Variants in KCNAB1 observed in about 807,000 individuals in gnomAD.
KCNAB1 encodes the protein potassium voltage-gated channel subfamily A regulatory beta subunit 1.
KCNAB1 carries 35 observed loss-of-function variants against 64.6 expected under a neutral mutation model. That is an observed-to-expected ratio of 0.54 (90% CI 0.41 to 0.72). KCNAB1 has a LOEUF of 0.72. Among genes scored for constraint, KCNAB1 ranks in the 30% least tolerant of loss-of-function variants. The pLI is 0.00. For synonymous variants in KCNAB1, 177 were observed against 183.8 expected (o/e 0.96, Z 0.30); for missense variants, 401 against 512.9 (o/e 0.78, Z 2.11).
intron 1 of KCNAB1, among the ~76,000 whole-genome samples, chr3:156,264,606 A>G (rs953989391): frequency 6.6e-6 from 1 of 152,158 alleles, no homozygotes; most frequent in Non-Finnish European, 1.5e-5. Flanking sequence ...TCAGATTAAC[A>G]TAACTTGATT....
intron 1 of KCNAB1, among the ~76,000 whole-genome samples, chr3:156,379,230 A>G (rs1224288136): frequency 2.0e-5 from 3 of 152,160 alleles, no homozygotes; most frequent in South Asian, 2.1e-4. Context: ...CTGGGGCCCT[A>G]TTATGTCTGC....
At chr3:156,435,526 G>A (rs1199520828) in intron 2 of KCNAB1, among the ~76,000 whole-genome samples, 1 of 152,174 alleles carries the variant, frequency 6.6e-6, no homozygotes. Flanking sequence ...TTTTTGTCAG[G>A]CAGGTGCAAT....
intron 7 of KCNAB1, among the ~76,000 whole-genome samples, chr3:156,471,194 AG>A (rs1261058257): frequency 3.9e-5 from 6 of 152,232 alleles, no homozygotes; most frequent in Non-Finnish European, 7.3e-5. Flanking sequence ...AACCTGCAAC[AG>A]TGAACACCCC....
intron 1 of KCNAB1, among the ~76,000 whole-genome samples, chr3:156,205,596 T>A (rs943192379): frequency 2.6e-5 from 4 of 152,194 alleles, no homozygotes; most frequent in African/African-American, 9.7e-5. Context: ...TCAGGTCCGA[T>A]CGATCATCAA....
At chr3:156,258,245 C>T (rs530282195) in intron 1 of KCNAB1, among the ~76,000 whole-genome samples, 20 of 152,294 alleles carry the variant, frequency 1.3e-4, no homozygotes, top group African/African-American at 4.6e-4. Context: ...GTCTATCTTA[C>T]CTGAACAATG....
At chr3:156,449,562 T>G (rs57357532) in intron 2 of KCNAB1, among the ~76,000 whole-genome samples, 5 of 152,092 alleles carry the variant, frequency 3.3e-5, no homozygotes, top group Admixed American at 6.5e-5. Flanking sequence ...AGTTTGATAA[T>G]GTCTAATCAT....
rs904315141 is a variant in KCNAB1 at position 156,333,309 on chromosome 3, C to T, written c.276-88307C>T. Among the ~76,000 whole-genome samples, 7 of 148,120 alleles carry T rather than the reference C, an allele frequency of 4.7e-5. No individual in the cohort carries two copies. In the East Asian group the frequency reaches 5.8e-4, roughly 12 times the overall value. ...GTCCACGCACATACCAGTATACAAA[C>T]GCACATAGAAACACACACACACACA... On this transcript the variant is annotated intron_variant, in intron 1 of 13. Coordinates refer to ENST00000490337, the MANE Select transcript of KCNAB1 (RefSeq NM_172160.3).
Position 156,521,665 on chromosome 3 carries a change from C to G in KCNAB1, c.961-2162C>G, listed in dbSNP as rs373218196. Among the ~76,000 whole-genome samples, 69 of 152,308 alleles carry G rather than the reference C, an allele frequency of 4.5e-4. No individual in the cohort carries two copies. The South Asian group carries it at 0.014, about 31-fold the overall frequency. On this transcript the variant is annotated intron_variant, in intron 11 of 13. Coordinates refer to ENST00000490337, the MANE Select transcript of KCNAB1 (RefSeq NM_172160.3). ...AGGGTTTATTACTGCCACAACCACA[C>G]CCACCTCCAACCTTCCTACAAAACA...
intron 1 of KCNAB1, among the ~76,000 whole-genome samples, chr3:156,139,613 TC>T (rs1714590547): frequency 1.4e-5 from 2 of 138,646 alleles, no homozygotes; most frequent in Non-Finnish European, 1.6e-5. Context: ...TTTTTTTTGT[TC>T]CCCCTAGCTT....
chr3:156,498,283 T>C (rs747970000), intron 8 of KCNAB1, among the ~76,000 whole-genome samples: 2 of 152,198 alleles, frequency 1.3e-5, no homozygotes, highest in Non-Finnish European at 2.9e-5. Context: ...TTCATCTTGC[T>C]TATGCCTGGA....
At chr3:156,431,842 T>C (rs1716233269) in intron 2 of KCNAB1, among the ~76,000 whole-genome samples, 2 of 152,228 alleles carry the variant, frequency 1.3e-5, no homozygotes, top group South Asian at 4.1e-4. Context: ...AGGTTTGTTC[T>C]ATTCTCAAGC....
intron 8 of KCNAB1, among the ~76,000 whole-genome samples, chr3:156,511,644 A>G (rs1464157096): frequency 6.6e-6 from 1 of 151,776 alleles, no homozygotes; most frequent in Non-Finnish European, 1.5e-5. Flanking sequence ...TCTGTTTGCC[A>G]TCATCACCCT....
intron 7 of KCNAB1, among the ~76,000 whole-genome samples, chr3:156,469,224 G>C (rs1481144357): frequency 4.7e-5 from 7 of 149,310 alleles, no homozygotes; most frequent in Non-Finnish European, 1.0e-4. Context: ...ATAATTTCAG[G>C]GTTCTCTCTT....
intron 8 of KCNAB1, among the ~76,000 whole-genome samples, chr3:156,499,479 T>C (rs905271148): frequency 2.4e-4 from 37 of 152,350 alleles, no homozygotes; most frequent in African/African-American, 8.2e-4. Context: ...TTGTCATCTT[T>C]TAATTTCATC....
At chr3:156,147,710 T>G (rs1715122916) in intron 1 of KCNAB1, among the ~76,000 whole-genome samples, 1 of 152,154 alleles carries the variant, frequency 6.6e-6, no homozygotes, top group Non-Finnish European at 1.5e-5. Context: ...GAGAAACTCT[T>G]GGAATTCTTA....
intron 1 of KCNAB1, among the ~76,000 whole-genome samples, chr3:156,348,777 C>A (rs1724669181): frequency 6.6e-6 from 1 of 152,114 alleles, no homozygotes; most frequent in Admixed American, 6.5e-5. Flanking sequence ...AGGACTGAGG[C>A]CTGGTTTGAG....
chr3:156,265,977 C>T (rs898677446), intron 1 of KCNAB1, among the ~76,000 whole-genome samples: 1 of 151,936 alleles, frequency 6.6e-6, no homozygotes, highest in African/African-American at 2.4e-5. Context: ...GGTGACACAG[C>T]GAGATTCTGT....
chr3:156,344,030 GTCAGCC>G (rs1724313893), intron 1 of KCNAB1, among the ~76,000 whole-genome samples: 1 of 152,044 alleles, frequency 6.6e-6, no homozygotes, highest in African/African-American at 2.4e-5. Flanking sequence ...CTGATACCCA[GTCAGCC>G]TCCTATCTGA....
At chr3:156,518,316 TA>T (rs1009525594) in intron 11 of KCNAB1, among the ~76,000 whole-genome samples, 4 of 152,124 alleles carry the variant, frequency 2.6e-5, no homozygotes, top group Non-Finnish European at 5.9e-5. Flanking sequence ...GGCTCTACAT[TA>T]TCAATCTGAG....
Sources: allele counts gnomAD v4.1 joint callset (sites outside exome capture counted in the v4.1 genomes callset), GRCh38; gene constraint gnomAD v4.1.1; transcripts MANE v1.5; gene names NCBI Gene and HGNC (gene_info 2026-07-23, HGNC 2026-07-21).